The following IQGAP2 variants were observed in gnomAD, a reference collection of about 807,000 sequenced individuals.
IQGAP2 encodes the protein IQ motif containing GTPase activating protein 2, also known as ras GTPase-activating-like protein IQGAP2.
IQGAP2 carries 173 observed loss-of-function variants against 201.3 expected under a neutral mutation model. The ratio of observed to expected loss-of-function variants is 0.86; its 90% CI spans 0.76 to 0.98. The LOEUF (loss-of-function observed/expected upper bound fraction) is 0.98. Ranked by LOEUF, IQGAP2 falls within the 50% of genes least tolerant of loss-of-function variation. The pLI, the probability that IQGAP2 is intolerant of heterozygous loss-of-function variation, is 0.00. For missense variants in IQGAP2, 1,687 were observed against 1,864.8 expected (o/e 0.90, Z 1.76); for synonymous variants, 675 against 673.9 (o/e 1.00, Z -0.03).
chr5:76,565,593 G>A (rs542006614), intron 3 of IQGAP2, among the ~76,000 whole-genome samples: 20 of 152,310 alleles, frequency 1.3e-4, no homozygotes, highest in African/African-American at 4.6e-4. Flanking sequence ...TCTTGCACAT[G>A]CCATAGTGTA....
At chr5:76,483,123 TAG>T (rs1266411668) in intron 2 of IQGAP2, among the ~76,000 whole-genome samples, 2 of 152,202 alleles carry the variant, frequency 1.3e-5, no homozygotes, top group African/African-American at 4.8e-5. Context: ...CCAACTTAAT[TAG>T]AGTCAAAGAA....
intron 5 of IQGAP2, among the ~76,000 whole-genome samples, chr5:76,586,619 G>A (rs958951572): frequency 1.2e-4 from 19 of 152,336 alleles, no homozygotes; most frequent in Middle Eastern, 6.8e-3. Context: ...GTGATAAGGG[G>A]ACAAAGAAAA....
rs1580503893 is a variant in IQGAP2 at position 76,578,690 on chromosome 5, T to C, written c.458+2921T>C. ...AATGTATGCTCATTGTGGAAAAAAT[T>C]GGAAAATCCAGGAAGAATGTTAAAG... On this transcript the variant is annotated intron_variant, in intron 5 of 35. Transcript: ENST00000274364. Among the ~76,000 whole-genome samples the C allele has an allele frequency of 4.6e-5, 7 of 152,162 alleles. No homozygotes were observed. In the South Asian group the frequency reaches 1.0e-3, roughly 23 times the overall value.
chr5:76,541,578 G>A (rs571127925), intron 2 of IQGAP2, among the ~76,000 whole-genome samples: 27 of 152,216 alleles, frequency 1.8e-4, no homozygotes, highest in Non-Finnish European at 3.1e-4. Flanking sequence ...GTAATTCTAC[G>A]TTTCACTTTT....
At chr5:76,496,731 TTC>T (rs1756944740) in intron 2 of IQGAP2, among the ~76,000 whole-genome samples, 1 of 34,540 alleles carries the variant, frequency 2.9e-5, no homozygotes, top group Non-Finnish European at 5.3e-5. Flanking sequence ...TTTCTTTTCT[TTC>T]TTTCTTTCTT....
At chr5:76,571,732 C>A (rs916555337) in intron 4 of IQGAP2, among the ~76,000 whole-genome samples, 3 of 152,144 alleles carry the variant, frequency 2.0e-5, no homozygotes, top group Admixed American at 2.0e-4. Flanking sequence ...ATTATAGAAT[C>A]ACAGGAAGTT....
rs200319462 is a variant in IQGAP2 at position 76,590,466 on chromosome 5, C to T, written c.699C>T (p.Thr233=). Residue 233 remains threonine, a synonymous_variant, in exon 8 of 36, where the codon ACC becomes ACT. Transcript: ENST00000274364. ...EAVEKGIAEQ[T]VVTLRNPNAV... is the part of the protein sequence containing the mutation. ...TTGAAAAAGGAATAGCAGAGCAAAC[C>T]GTTGTAACACTAAGAAACCCAAATG... 25 of 1,613,432 alleles carry T rather than the reference C, an allele frequency of 1.5e-5. No homozygotes were observed. The highest frequency in any genetic ancestry group is 2.0e-5 in the Non-Finnish European group (24 of 1,179,708).
Position 76,487,355 on chromosome 5 carries a change from C to T in IQGAP2, c.146+25686C>T, listed in dbSNP as rs540868934. Among the ~76,000 whole-genome samples, 158 of 152,214 alleles carry T rather than the reference C, an allele frequency of 1.0e-3. 1 individual carries two copies. Among genetic ancestry groups the T allele is most frequent in the African/African-American group, 3.7e-3 (153 of 41,528 alleles). The stretch of plus-strand genomic sequence containing the variant: ...CTTGTGATCTGCCCACCTTGGCTTC[C>T]CAAAGTGCTGGGATTACAGGCGTGA... On this transcript the variant is annotated intron_variant, in intron 2 of 35. Transcript: ENST00000274364.
At chr5:76,510,655 G>A in intron 2 of IQGAP2, 1 of 534,964 alleles carries the variant, frequency 1.9e-6, no homozygotes, top group South Asian at 1.4e-5. Context: ...CTCCTTTGGG[G>A]ACTGCCACCG....
At chr5:76,626,077 T>C (rs1283206919) in intron 13 of IQGAP2, among the ~76,000 whole-genome samples, 2 of 152,132 alleles carry the variant, frequency 1.3e-5, no homozygotes, top group African/African-American at 4.8e-5. Context: ...ATAGGAATAA[T>C]GCAATACATT....
At chr5:76,423,737 G>A (rs544860375) in intron 1 of IQGAP2, among the ~76,000 whole-genome samples, 2 of 152,276 alleles carry the variant, frequency 1.3e-5, no homozygotes, top group East Asian at 3.9e-4. Context: ...AAAGGATTTA[G>A]AAGCATCAAA....
chr5:76,640,968 T>A lies in IQGAP2; in HGVS notation c.1959T>A (p.Arg653=). Reference sequence around the variant, plus strand: ...AGGAAGTCACAGTAGGTTACATTCGTGAGAATATATGGTCTGCTTCAGAAG... The same window carrying A: ...AGGAAGTCACAGTAGGTTACATTCGAGAGAATATATGGTCTGCTTCAGAAG... ...IIEEVTVGYI[R]ENIWSASEEL... The change falls in exon 17 of 36, where the codon CGT becomes CGA. Residue 653 remains arginine (R), a synonymous_variant. Transcript: ENST00000274364. The A allele has an allele frequency of 6.2e-7, 1 of 1,600,644 alleles. No individual in the cohort carries two copies. Among genetic ancestry groups the A allele is most frequent in the Non-Finnish European group, 8.6e-7 (1 of 1,169,014 alleles).
chr5:76,637,295 T>C (rs1054351859), intron 16 of IQGAP2, 119 bp downstream of exon 16: 1 of 778,778 alleles, frequency 1.3e-6, no homozygotes. Flanking sequence ...AGTCTGGATA[T>C]GTAATAAAGT....
In IQGAP2 at chr5:76,683,834, A is replaced by G. The variant is rs1745513886; in HGVS notation, c.3822A>G (p.Ser1274=). The change falls in exon 30 of 36, where the codon TCA becomes TCG. Residue 1274 remains serine (S), a synonymous_variant. Transcript: ENST00000274364. ...AGGCAAATACACTAAGTCAGCTTTC[A>G]AAGACCGAGATTTCTCTTGTCTTGA... The part of the protein sequence containing the change: ...PNKANTLSQL[S]KTEISLVLTS... 1 of 1,613,800 alleles carries G rather than the reference A, an allele frequency of 6.2e-7. No homozygotes were observed. Among genetic ancestry groups the G allele is most frequent in the Non-Finnish European group, 8.5e-7 (1 of 1,179,812 alleles).
Position 76,665,153 on chromosome 5 carries a change from A to C in IQGAP2, c.2657A>C (p.Gln886Pro). Residue 886 changes from glutamine (Q) to proline (P), a missense_variant, in exon 22 of 36, where the codon CAG becomes CCG. By Grantham distance (76) the Gln-to-Pro change is moderately conservative. Coordinates refer to ENST00000274364, the MANE Select transcript of IQGAP2 (RefSeq NM_006633.5). ...KERRKTLETY[Q>P]QLFYLLQTNP... The stretch of plus-strand genomic sequence containing the variant: ...AGGAGAAAAACACTAGAAACATATC[A>C]GCAGCTGTTTTACCTTTTACAGGTG... 2 of 1,613,380 alleles carry C rather than the reference A, an allele frequency of 1.2e-6. No homozygotes were observed.
rs181804254 is a variant in IQGAP2 at position 76,576,569 on chromosome 5, A to T, written c.458+800A>T. Among the ~76,000 whole-genome samples the T allele has an allele frequency of 1.3e-3, 200 of 152,288 alleles. 1 individual carries two copies. Among genetic ancestry groups the T allele is most frequent in the Non-Finnish European group, 1.6e-3 (108 of 68,030 alleles). On this transcript the variant is annotated intron_variant, in intron 5 of 35. Transcript: ENST00000274364. ...CCTTGTGTTTTCATCACTAGAAGTC[A>T]TTTTCCTGGCAGAGTACTCTGCCTA...
intron 4 of IQGAP2, among the ~76,000 whole-genome samples, chr5:76,572,022 C>G (rs986291883): frequency 6.6e-6 from 1 of 152,144 alleles, no homozygotes; most frequent in Non-Finnish European, 1.5e-5. Flanking sequence ...TTGCATCCCT[C>G]CCCCAGCCCT....
At chr5:76,605,288 T>C (rs1475904984) in intron 11 of IQGAP2, among the ~76,000 whole-genome samples, 2 of 152,192 alleles carry the variant, frequency 1.3e-5, no homozygotes, top group Non-Finnish European at 2.9e-5. Flanking sequence ...CTAAACTGTA[T>C]CTTCCAGAGG....
At chr5:76,610,711 TTTAAG>T (rs774604185) in intron 12 of IQGAP2, among the ~76,000 whole-genome samples, 3 of 152,072 alleles carry the variant, frequency 2.0e-5, no homozygotes, top group Non-Finnish European at 2.9e-5. Flanking sequence ...TTTATTTGTC[TTTAAG>T]TTTTTTCCCA....
Sources: gnomAD v4.1 joint callset for allele counts (sites outside exome capture counted in the v4.1 genomes callset) on GRCh38, gnomAD v4.1.1 for gene constraint, MANE v1.5 for transcripts, NCBI Gene and HGNC (gene_info 2026-07-23, HGNC 2026-07-21) for gene names.